Variants in SH3BGRL2 observed in about 807,000 individuals in gnomAD.
SH3BGRL2 encodes the protein SH3 domain binding glutamate rich protein like 2.
SH3BGRL2 carries 21 observed loss-of-function variants against 14.8 expected under a neutral mutation model. The observed-to-expected ratio is 1.42, with a 90% CI of 1.01 to 2.05. The LOEUF is 2.05. Ranked by LOEUF, SH3BGRL2 falls within the 30% of genes most tolerant of loss-of-function variation. The pLI, the probability that SH3BGRL2 is intolerant of heterozygous loss-of-function variation, is 0.00. For missense variants in SH3BGRL2, 147 were observed against 130.8 expected (o/e 1.12, Z -0.61); for synonymous variants, 50 against 47.8 (o/e 1.05, Z -0.19).
At chr6:79,631,114 GC>G (rs1768812757), upstream of SH3BGRL2, among the ~76,000 whole-genome samples, 1 of 152,154 alleles carries the variant, frequency 6.6e-6, no homozygotes, top group South Asian at 2.1e-4. Flanking sequence ...CACAGCTTCT[GC>G]CCGGGCTGTG....
At chr6:79,605,176 T>A in the SH3BGRL2 span, among the ~76,000 whole-genome samples, 3 of 152,214 alleles carry the variant, frequency 2.0e-5, no homozygotes, top group South Asian at 6.2e-4. Context: ...GCCTTGAGAC[T>A]GCCATACTGT....
At chr6:79,610,537 A>G in the SH3BGRL2 span, among the ~76,000 whole-genome samples, 1 of 152,232 alleles carries the variant, frequency 6.6e-6, no homozygotes, top group African/African-American at 2.4e-5. Context: ...CCTTTGTTAT[A>G]GAAACAGATG....
At chr6:79,674,603 T>G (rs1369864846) in intron 2 of SH3BGRL2, among the ~76,000 whole-genome samples, 2 of 152,208 alleles carry the variant, frequency 1.3e-5, no homozygotes, top group Admixed American at 1.3e-4. Flanking sequence ...TGCTTGAGAT[T>G]AAATAAATAG....
intron 1 of SH3BGRL2, among the ~76,000 whole-genome samples, chr6:79,661,754 G>A (rs1356666579): frequency 3.3e-5 from 5 of 152,122 alleles, no homozygotes; most frequent in Non-Finnish European, 4.4e-5. Flanking sequence ...CATTATTATT[G>A]TGTGGGAGTC....
chr6:79,644,913 A>T (rs1052696281), intron 1 of SH3BGRL2, among the ~76,000 whole-genome samples: 18 of 152,150 alleles, frequency 1.2e-4, no homozygotes, highest in Admixed American at 1.2e-3. Context: ...TAATCCCAGC[A>T]CTTTGGGAGG....
At chr6:79,626,829 C>T (rs761939621), upstream of SH3BGRL2, among the ~76,000 whole-genome samples, 2 of 152,184 alleles carry the variant, frequency 1.3e-5, no homozygotes, top group Non-Finnish European at 2.9e-5. Flanking sequence ...TAATCAATAT[C>T]ACCTGCCTGA....
At chr6:79,570,634 A>C in the SH3BGRL2 span, among the ~76,000 whole-genome samples, 4 of 152,210 alleles carry the variant, frequency 2.6e-5, no homozygotes, top group African/African-American at 9.6e-5. Context: ...CCACTTTACC[A>C]ACCCTGCCAG....
At chr6:79,555,560 G>C in the SH3BGRL2 span, among the ~76,000 whole-genome samples, 2 of 152,212 alleles carry the variant, frequency 1.3e-5, no homozygotes, top group African/African-American at 4.8e-5. Flanking sequence ...CGCCAGGCTG[G>C]AGTGCAGTAG....
the SH3BGRL2 span, among the ~76,000 whole-genome samples, chr6:79,621,833 G>A: frequency 6.6e-6 from 1 of 152,136 alleles, no homozygotes; most frequent in Non-Finnish European, 1.5e-5. Flanking sequence ...TAAGAAGTCT[G>A]CTGGAGTACT....
chr6:79,616,980 G>A, the SH3BGRL2 span, among the ~76,000 whole-genome samples: 2 of 152,142 alleles, frequency 1.3e-5, no homozygotes, highest in Non-Finnish European at 2.9e-5. Context: ...CTGAGGTCGG[G>A]AGTTTGAGAC....
chr6:79,649,977 TCTCTCTCTCA>T (rs1467519472), intron 1 of SH3BGRL2, among the ~76,000 whole-genome samples: 1 of 100,872 alleles, frequency 9.9e-6, no homozygotes, highest in Admixed American at 9.4e-5. Context: ...ACTCTCTCTC[TCTCTCTCTCA>T]CACACACACA....
At chr6:79,676,601 ATGTATGTG>A (rs1769886484) in intron 2 of SH3BGRL2, among the ~76,000 whole-genome samples, 1 of 114,406 alleles carries the variant, frequency 8.7e-6, no homozygotes, top group African/African-American at 3.5e-5. Flanking sequence ...TTATGTCTTT[ATGTATGTG>A]TGTGTGTGTG....
At chr6:79,685,407 C>A (rs1214115946) in intron 2 of SH3BGRL2, among the ~76,000 whole-genome samples, 1 of 152,196 alleles carries the variant, frequency 6.6e-6, no homozygotes, top group Admixed American at 6.5e-5. Context: ...CTCTGCTCTT[C>A]TTTCTGCAGC....
At chr6:79,653,714 G>T (rs1769349034) in intron 1 of SH3BGRL2, among the ~76,000 whole-genome samples, 1 of 152,192 alleles carries the variant, frequency 6.6e-6, no homozygotes, top group Non-Finnish European at 1.5e-5. Flanking sequence ...AAGAGTAATT[G>T]AAAGGAGCTT....
the SH3BGRL2 span, among the ~76,000 whole-genome samples, chr6:79,557,008 A>G: frequency 6.6e-6 from 1 of 151,916 alleles, no homozygotes; most frequent in Non-Finnish European, 1.5e-5. Context: ...TTCAGAAAAA[A>G]TAAAGTACTT....
chr6:79,676,605 ATGTGTG>A lies in SH3BGRL2; in HGVS notation c.231+2836_231+2841del, dbSNP rs58234438. Among the ~76,000 whole-genome samples the A allele has an allele frequency of 9.7e-3, 1,350 of 139,738 alleles. 22 individuals carry two copies. The highest frequency in any genetic ancestry group is 0.034 in the African/African-American group (1,267 of 37,742). The allele number at this position is 139,738 out of a possible 152,430, so 91.7% of individuals were successfully genotyped here. A position where few individuals can be genotyped will look rare whatever the true frequency, so the allele number is the denominator to read the frequency against. ...ATCTCCTAGCTTTATGTCTTTATGT[ATGTGTG>A]TGTGTGTGTGTGTGTGTGTGTGTGT... On this transcript the variant is annotated intron_variant, in intron 2 of 3. Transcript: ENST00000369838.
intron 1 of SH3BGRL2, among the ~76,000 whole-genome samples, chr6:79,664,534 C>T (rs1212233226): frequency 1.3e-5 from 2 of 152,156 alleles, no homozygotes; most frequent in African/African-American, 4.8e-5. Context: ...AGCCAACTGG[C>T]CCAATTGAGG....
the SH3BGRL2 span, among the ~76,000 whole-genome samples, chr6:79,542,195 C>CA: frequency 6.6e-6 from 1 of 152,138 alleles, no homozygotes; most frequent in African/African-American, 2.4e-5. Flanking sequence ...ACACCAGTGC[C>CA]AGAGTTGAAC....
the SH3BGRL2 span, among the ~76,000 whole-genome samples, chr6:79,548,509 A>G: frequency 6.6e-6 from 1 of 152,136 alleles, no homozygotes; most frequent in Non-Finnish European, 1.5e-5. Context: ...TGGCAGCACT[A>G]CATGTTTTAT....
Sources: allele counts gnomAD v4.1 joint callset (sites outside exome capture counted in the v4.1 genomes callset), GRCh38; gene constraint gnomAD v4.1.1; transcripts MANE v1.5; gene names NCBI Gene and HGNC (gene_info 2026-07-23, HGNC 2026-07-21).